AIG1: variants seen among roughly 807,000 people sequenced by gnomAD.
AIG1 encodes androgen-induced gene 1 protein.
In AIG1, 23 loss-of-function variants were observed where a neutral mutation model predicts 31.4. The observed-to-expected ratio is 0.73, with a 90% confidence interval of 0.53 to 1.04. The LOEUF is 1.04. Among genes scored for constraint, AIG1 ranks in the 50% least tolerant of loss-of-function variants. The pLI is 0.00. For synonymous variants in AIG1, 100 were observed against 110.5 expected (o/e 0.90, Z 0.60); for missense variants, 274 against 295.0 (o/e 0.93, Z 0.52).
chr6:143,282,568 TA>T (rs1044196902), intron 3 of AIG1, among the ~76,000 whole-genome samples: 5 of 152,120 alleles, frequency 3.3e-5, no homozygotes, highest in African/African-American at 1.2e-4. Flanking sequence ...TATACTGTTT[TA>T]AAAAAATAGT....
intron 3 of AIG1, among the ~76,000 whole-genome samples, chr6:143,169,198 A>C (rs1052048082): frequency 6.6e-6 from 1 of 152,022 alleles, no homozygotes; most frequent in Admixed American, 6.6e-5. Context: ...GTATATACTT[A>C]TTTTAATTTT....
chr6:143,147,535 G>A (rs1427101575), intron 2 of AIG1, among the ~76,000 whole-genome samples: 1 of 152,106 alleles, frequency 6.6e-6, no homozygotes. Flanking sequence ...CTTGGCCAGA[G>A]GGTACTGTGA....
intron 2 of AIG1, among the ~76,000 whole-genome samples, chr6:143,150,029 AACTG>A (rs1785065018): frequency 6.6e-6 from 1 of 152,220 alleles, no homozygotes; most frequent in Admixed American, 6.5e-5. Flanking sequence ...GCATCCTAAA[AACTG>A]AATGACACCT....
At chr6:143,218,269 T>C (rs542565173) in intron 3 of AIG1, among the ~76,000 whole-genome samples, 2 of 152,322 alleles carry the variant, frequency 1.3e-5, no homozygotes, top group South Asian at 2.1e-4. Context: ...CCTTGAACTC[T>C]GAAAATTTCC....
intron 1 of AIG1, among the ~76,000 whole-genome samples, chr6:143,075,171 G>A (rs1025886584): frequency 8.5e-5 from 13 of 152,214 alleles, no homozygotes; most frequent in Non-Finnish European, 1.6e-4. Context: ...TGGGTAATTT[G>A]TGCCTTATCT....
intron 2 of AIG1, among the ~76,000 whole-genome samples, chr6:143,153,153 A>G (rs887575011): frequency 7.9e-5 from 12 of 152,148 alleles, no homozygotes; most frequent in Non-Finnish European, 1.2e-4. Context: ...AAGTGAGAAT[A>G]TGATAGGAGC....
chr6:143,091,053 C>T (rs1779260678), intron 1 of AIG1, among the ~76,000 whole-genome samples: 1 of 152,120 alleles, frequency 6.6e-6, no homozygotes, highest in Admixed American at 6.5e-5. Flanking sequence ...GTGTAGATTC[C>T]ATTTCAAGAA....
In AIG1 at chr6:143,106,540, C is replaced by T. The variant is rs147235778; in HGVS notation, c.142-30295C>T. The stretch of plus-strand genomic sequence containing the variant: ...CAAATCCTCATCACATACAGCAGTC[C>T]TGGTACACTTAGGCCTCCCCAAAAT... On this transcript the variant is annotated intron_variant, in intron 1 of 5. Coordinates refer to ENST00000357847, the MANE Select transcript of AIG1 (RefSeq NM_016108.4). 7.9e-5 allele frequency among the ~76,000 whole-genome samples: 12 copies of T among 152,272 alleles called. No individual in the cohort carries two copies. In the East Asian group the frequency reaches 2.3e-3, roughly 29 times the overall value.
chr6:143,100,641 A>T (rs921490051), intron 1 of AIG1, among the ~76,000 whole-genome samples: 10 of 152,110 alleles, frequency 6.6e-5, no homozygotes, highest in African/African-American at 1.2e-4. Context: ...ATTGCGTAAG[A>T]TGCTAATGGA....
chr6:143,343,622 T>C (rs763048154), downstream of AIG1, among the ~76,000 whole-genome samples: 15 of 152,122 alleles, frequency 9.9e-5, no homozygotes, highest in Non-Finnish European at 1.8e-4. Flanking sequence ...AAAAATACAT[T>C]CCTTTTACCT....
At chr6:143,259,741 A>G (rs1795618326) in intron 3 of AIG1, among the ~76,000 whole-genome samples, 1 of 152,162 alleles carries the variant, frequency 6.6e-6, no homozygotes, top group Non-Finnish European at 1.5e-5. Context: ...CCAGCCAGAA[A>G]CCCAAAGGGA....
chr6:143,123,224 A>G (rs745566296), intron 1 of AIG1, among the ~76,000 whole-genome samples: 3 of 152,210 alleles, frequency 2.0e-5, no homozygotes, highest in Non-Finnish European at 4.4e-5. Flanking sequence ...CATTAATACT[A>G]CATCCCAGAT....
At chr6:143,174,486 C>CAA (rs71024844) in intron 3 of AIG1, among the ~76,000 whole-genome samples, 90 of 59,210 alleles carry the variant, frequency 1.5e-3, no homozygotes, top group African/African-American at 2.2e-3. Context: ...GACTCCGTCT[C>CAA]AAAAAAAAAA....
intron 1 of AIG1, among the ~76,000 whole-genome samples, chr6:143,114,073 C>T (rs895125617): frequency 4.6e-5 from 7 of 152,156 alleles, no homozygotes; most frequent in Non-Finnish European, 7.3e-5. Context: ...CGCGCCTGGC[C>T]GGAAATGTTT....
chr6:143,075,815 T>C (rs1425636583), intron 1 of AIG1, among the ~76,000 whole-genome samples: 1 of 152,206 alleles, frequency 6.6e-6, no homozygotes, highest in African/African-American at 2.4e-5. Flanking sequence ...TTCATTCAAT[T>C]AAAAATATTT....
chr6:143,128,600 G>A (rs546460392), intron 1 of AIG1, among the ~76,000 whole-genome samples: 20 of 152,288 alleles, frequency 1.3e-4, no homozygotes, highest in Admixed American at 3.3e-4. Context: ...GGCTGGAGTC[G>A]AATAATACTT....
intron 3 of AIG1, among the ~76,000 whole-genome samples, chr6:143,207,981 A>G (rs1392343973): frequency 1.3e-5 from 2 of 152,096 alleles, no homozygotes; most frequent in African/African-American, 4.8e-5. Context: ...TGGCCATTCT[A>G]TGAAGAGATG....
At chr6:143,336,804 T>G (rs922942111) in intron 5 of AIG1, among the ~76,000 whole-genome samples, 6 of 152,170 alleles carry the variant, frequency 3.9e-5, no homozygotes, top group African/African-American at 1.4e-4. Flanking sequence ...TGAAGCAAAA[T>G]TGTTCTCTAG....
intron 1 of AIG1, among the ~76,000 whole-genome samples, chr6:143,136,602 T>A (rs550528765): frequency 4.6e-4 from 70 of 152,332 alleles, no homozygotes; most frequent in Admixed American, 1.4e-3. Flanking sequence ...TGTGCATGCA[T>A]GTTTTGCACT....
Sources: gnomAD v4.1 joint callset for allele counts (sites outside exome capture counted in the v4.1 genomes callset) on GRCh38, gnomAD v4.1.1 for gene constraint, MANE v1.5 for transcripts, NCBI Gene and HGNC (gene_info 2026-07-23, HGNC 2026-07-21) for gene names.